The following TTC7A variants were observed in gnomAD, a reference collection of about 807,000 sequenced individuals.
TTC7A encodes tetratricopeptide repeat domain 7A, also known as tetratricopeptide repeat protein 7A.
TTC7A carries 110 observed loss-of-function variants against 103.7 expected under a neutral mutation model. The ratio of observed to expected loss-of-function variants is 1.06; its 90% CI spans 0.91 to 1.24. TTC7A has a LOEUF of 1.24. Among genes scored for constraint, TTC7A ranks in the 50% most tolerant of loss-of-function variants. The pLI, the probability that TTC7A is intolerant of heterozygous loss-of-function variation, is 0.00. For missense variants in TTC7A, 1,340 were observed against 1,116.3 expected (o/e 1.20, Z -2.86); for synonymous variants, 521 against 467.9 (o/e 1.11, Z -1.47).
At chr2:46,958,559 AGACGG>A in intron 3 of TTC7A, 1 of 1,302,326 alleles carries the variant, frequency 7.7e-7, no homozygotes, top group South Asian at 1.2e-5. Flanking sequence ...GGAGGTAAGG[AGACGG>A]GCGCTGCCGG....
chr2:46,997,069 C>T (rs1227573792), intron 8 of TTC7A, among the ~76,000 whole-genome samples: 1 of 152,052 alleles, frequency 6.6e-6, no homozygotes, highest in Non-Finnish European at 1.5e-5. Flanking sequence ...ACCTCTGTCT[C>T]CCAGGTTAAA....
chr2:47,048,131 C>T (rs1682512056), intron 16 of TTC7A, among the ~76,000 whole-genome samples: 1 of 152,206 alleles, frequency 6.6e-6, no homozygotes, highest in African/African-American at 2.4e-5. Context: ...GCCCCTCAGG[C>T]CCTGTCCAGA....
chr2:47,036,668 G>A (rs1681137029), intron 15 of TTC7A, among the ~76,000 whole-genome samples: 1 of 152,140 alleles, frequency 6.6e-6, no homozygotes, highest in African/African-American at 2.4e-5. Flanking sequence ...AACAGCCCTG[G>A]TAACATAGCA....
chr2:46,972,574 G>A (rs571527918), intron 3 of TTC7A, among the ~76,000 whole-genome samples: 25 of 152,330 alleles, frequency 1.6e-4, no homozygotes, highest in African/African-American at 5.5e-4. Flanking sequence ...GCCCAGATTA[G>A]GCCATGTGCC....
chr2:46,971,386 G>C (rs897328044), intron 3 of TTC7A, among the ~76,000 whole-genome samples: 4 of 152,168 alleles, frequency 2.6e-5, no homozygotes, highest in Admixed American at 6.6e-5. Flanking sequence ...GGAACAACTT[G>C]AGCAAGTCAA....
At position 46,934,804 on chromosome 2, in the gene TTC7A, T is replaced by C. The variant is rs1669888448; in HGVS notation, c.83-15559T>C. 2.4e-5 allele frequency among the ~76,000 whole-genome samples: 3 copies of C among 124,666 alleles called. 1 individual carries two copies. The highest frequency in any genetic ancestry group is 2.9e-4 in the South Asian group (1 of 3,418). The allele number at this position is 124,666 out of a possible 152,430, so 81.8% of individuals were successfully genotyped here. ...CTACTGCTCTTTTTTTTTTTTTTTT[T>C]TTTTTTTTTTTTTTTGAGACTGAGT... On this transcript the variant is annotated intron_variant, in intron 2 of 20. Transcript: ENST00000409245.
At chr2:47,010,032 T>C (rs937564245) in intron 10 of TTC7A, among the ~76,000 whole-genome samples, 1 of 152,080 alleles carries the variant, frequency 6.6e-6, no homozygotes, top group Non-Finnish European at 1.5e-5. Flanking sequence ...GCTCAGCCAT[T>C]CATAGGCTGT....
intron 11 of TTC7A, among the ~76,000 whole-genome samples, chr2:47,019,781 G>A (rs1028534021): frequency 6.6e-6 from 1 of 152,168 alleles, no homozygotes; most frequent in Admixed American, 6.5e-5. Context: ...AGTGCAGCGG[G>A]TGTCTGGATT....
At chr2:46,997,794 A>G (rs1051403720) in intron 8 of TTC7A, among the ~76,000 whole-genome samples, 2 of 152,144 alleles carry the variant, frequency 1.3e-5, no homozygotes, top group African/African-American at 2.4e-5. Context: ...TTCTCCTGGT[A>G]GGAGTGAAGC....
At chr2:47,024,221 G>A in intron 13 of TTC7A, 66 bp from the exon 14 acceptor site, 1 of 1,426,144 alleles carries the variant, frequency 7.0e-7, no homozygotes, top group Non-Finnish European at 9.6e-7. Flanking sequence ...GCATGCTGGA[G>A]GCCCGAGTCA....
At chr2:47,032,636 A>G (rs1013545338) in intron 15 of TTC7A, among the ~76,000 whole-genome samples, 2 of 151,848 alleles carry the variant, frequency 1.3e-5, no homozygotes, top group Non-Finnish European at 2.9e-5. Context: ...CACCCCCAGT[A>G]GTGCCTCACT....
intron 2 of TTC7A, among the ~76,000 whole-genome samples, chr2:46,926,238 CG>C (rs1413125653): frequency 6.6e-6 from 1 of 152,138 alleles, no homozygotes; most frequent in African/African-American, 2.4e-5. Flanking sequence ...GCTAGATGGT[CG>C]GGGAGACATA....
At chr2:47,009,573 C>T (rs934029955) in intron 10 of TTC7A, among the ~76,000 whole-genome samples, 6 of 152,104 alleles carry the variant, frequency 3.9e-5, no homozygotes, top group South Asian at 4.1e-4. Flanking sequence ...TGGAGGGAGG[C>T]GGGGTGTCCA....
chr2:47,043,289 C>T (rs1681961935), intron 15 of TTC7A, among the ~76,000 whole-genome samples: 1 of 152,132 alleles, frequency 6.6e-6, no homozygotes, highest in Non-Finnish European at 1.5e-5. Flanking sequence ...GCACAGATAA[C>T]CACATCCTGA....
rs932772205 is a variant in TTC7A at position 47,024,341 on chromosome 2, G to T, written c.1623G>T (p.Gln541His). The T allele has an allele frequency of 1.2e-6, 2 of 1,606,960 alleles. No individual in the cohort carries two copies. The highest frequency in any genetic ancestry group is 2.3e-5 in the East Asian group (1 of 43,662). ...AGGTCATCCTCTATGTCTCGCTGCA[G>T]CTGGCCCTCGTCCGACAGGTGGGTT... ...DPQVILYVSL[Q>H]LALVRQISSA... Residue 541 changes from glutamine (Q) to histidine (H), a missense_variant, in exon 14 of 20, where the codon CAG (glutamine) becomes CAT (histidine). Transcript: ENST00000319190.
chr2:47,036,761 G>A (rs555003819), intron 15 of TTC7A, among the ~76,000 whole-genome samples: 1 of 152,196 alleles, frequency 6.6e-6, no homozygotes, highest in East Asian at 1.9e-4. Context: ...GGGAGGCTGG[G>A]GTGAGAGGAT....
chr2:46,976,722 A>T (rs1232391935), intron 4 of TTC7A, among the ~76,000 whole-genome samples: 2 of 151,846 alleles, frequency 1.3e-5, no homozygotes, highest in Non-Finnish European at 2.9e-5. Context: ...GCATGCCTAG[A>T]CTCTCCCCAC....
intron 5 of TTC7A, among the ~76,000 whole-genome samples, chr2:46,988,976 A>G (rs1348683287): frequency 6.6e-6 from 1 of 152,194 alleles, no homozygotes; most frequent in African/African-American, 2.4e-5. Context: ...TCTATGCACC[A>G]CACATTGTGC....
intron 1 of TTC7A, 64 bp from the exon 2 acceptor site, chr2:46,950,299 G>A (rs1671290009): frequency 1.9e-6 from 3 of 1,587,256 alleles, no homozygotes; most frequent in Non-Finnish European, 2.6e-6. Flanking sequence ...CCAGGAGTGT[G>A]CAACTCCCTC....
Sources: allele counts gnomAD v4.1 joint callset (sites outside exome capture counted in the v4.1 genomes callset), GRCh38; gene constraint gnomAD v4.1.1; transcripts MANE v1.5; gene names NCBI Gene and HGNC (gene_info 2026-07-23, HGNC 2026-07-21).